Variants in CPOX observed in about 807,000 individuals in gnomAD.
CPOX encodes the protein coproporphyrinogen oxidase, also known as oxygen-dependent coproporphyrinogen-III oxidase, mitochondrial.
In CPOX, 24 loss-of-function variants were observed where a neutral mutation model predicts 48.9. The observed-to-expected ratio is 0.49, with a 90% confidence interval of 0.36 to 0.69. The LOEUF is 0.69. CPOX is among the 30% of genes least tolerant of loss of function. CPOX has a pLI of 0.00. For missense variants in CPOX, 549 were observed against 597.3 expected (o/e 0.92, Z 0.84); for synonymous variants, 249 against 234.6 (o/e 1.06, Z -0.56).
chr3:98,585,166 A>G (rs1027574576), intron 5 of CPOX, among the ~76,000 whole-genome samples: 29 of 152,234 alleles, frequency 1.9e-4, no homozygotes, highest in Admixed American at 1.3e-4. Context: ...GCTGGAGGGT[A>G]TTACAAGAAG....
At chr3:98,581,174 TTC>T (rs1707251111) in intron 6 of CPOX, among the ~76,000 whole-genome samples, 1 of 152,128 alleles carries the variant, frequency 6.6e-6, no homozygotes, top group Non-Finnish European at 1.5e-5. Flanking sequence ...TCAGCCTGTG[TTC>T]TCTCTCCCTC....
the CPOX span, among the ~76,000 whole-genome samples, chr3:98,572,413 A>G: frequency 6.6e-6 from 1 of 152,118 alleles, no homozygotes; most frequent in African/African-American, 2.4e-5. Context: ...TCTTAAAGGT[A>G]TCTGTTTTTT....
At chr3:98,577,841 A>G (rs1286103313), downstream of CPOX, among the ~76,000 whole-genome samples, 1 of 152,244 alleles carries the variant, frequency 6.6e-6, no homozygotes, top group Non-Finnish European at 1.5e-5. Context: ...AAACCTGCAG[A>G]AGATTCCTGT....
Position 98,588,663 on chromosome 3 carries a change from A to G in CPOX, c.953+50T>C, listed in dbSNP as rs1576302838. The G allele has an allele frequency of 1.9e-6, 3 of 1,604,076 alleles. No individual in the cohort carries two copies. In the East Asian group the frequency reaches 6.7e-5, roughly 36 times the overall value. ...TAGTGACATAATAGTTGCCTTCAGAAGGAACAGAATGTAATTTTGGGGTCA... is the reference window on the plus strand; with the variant it reads ...TAGTGACATAATAGTTGCCTTCAGAGGGAACAGAATGTAATTTTGGGGTCA... On this transcript the variant is annotated intron_variant, in intron 4 of 6. Coordinates refer to ENST00000647941, the MANE Select transcript of CPOX (RefSeq NM_000097.7).
At chr3:98,579,036 G>C (rs371167423), downstream of CPOX, among the ~76,000 whole-genome samples, 4 of 152,160 alleles carry the variant, frequency 2.6e-5, no homozygotes, top group East Asian at 5.8e-4. Flanking sequence ...ACCCTTGAGA[G>C]AGCAAGACCT....
At chr3:98,583,922 A>C (rs776603848) in intron 5 of CPOX, among the ~76,000 whole-genome samples, 1 of 152,214 alleles carries the variant, frequency 6.6e-6, no homozygotes, top group East Asian at 1.9e-4. Flanking sequence ...AGGCAGAAAG[A>C]AGCTGTCTTT....
downstream of CPOX, among the ~76,000 whole-genome samples, chr3:98,576,378 A>T (rs1707162960): frequency 6.6e-6 from 1 of 152,184 alleles, no homozygotes; most frequent in African/African-American, 2.4e-5. Flanking sequence ...CCACGAGAAC[A>T]GCACGGGGAT....
At chr3:98,582,532 G>T (rs1228725234) in intron 5 of CPOX, among the ~76,000 whole-genome samples, 5 of 144,430 alleles carry the variant, frequency 3.5e-5, no homozygotes, top group African/African-American at 1.3e-4. Flanking sequence ...TTACTCTGTT[G>T]CCCAGGCTGG....
downstream of CPOX, among the ~76,000 whole-genome samples, chr3:98,575,399 G>A (rs1707147412): frequency 6.6e-6 from 1 of 152,238 alleles, no homozygotes; most frequent in South Asian, 2.1e-4. Flanking sequence ...CTGTTTGAAT[G>A]AGCTTAAGAT....
In CPOX at chr3:98,593,058, C is replaced by T. The variant is rs745949700; in HGVS notation, c.447G>A (p.Lys149=). 4 of 1,613,856 alleles carry T rather than the reference C, an allele frequency of 2.5e-6. No homozygotes were observed. The African/African-American group carries it at 5.3e-5, about 22-fold the overall frequency. The change falls in exon 1 of 7, where the codon AAG becomes AAA. Residue 149 remains lysine (K), a synonymous_variant. Coordinates refer to ENST00000647941, the MANE Select transcript of CPOX (RefSeq NM_000097.7). Reference sequence around the variant, plus strand: ...CCAGAATCAGCAGCTCCATCTTGGTCTTCATGTCGCCCGGCCTCCTTCGCA... The same window carrying T: ...CCAGAATCAGCAGCTCCATCTTGGTTTTCATGTCGCCCGGCCTCCTTCGCA... ...GELRRRPGDM[K]TKMELLILET...
intron 4 of CPOX, among the ~76,000 whole-genome samples, chr3:98,586,710 C>T (rs1390255589): frequency 4.6e-5 from 7 of 151,984 alleles, no homozygotes; most frequent in Non-Finnish European, 1.0e-4. Flanking sequence ...TTTGGGAGGC[C>T]GAGGCAGGCG....
chr3:98,573,644 T>A, the CPOX span, among the ~76,000 whole-genome samples: 2 of 152,292 alleles, frequency 1.3e-5, no homozygotes, highest in East Asian at 3.9e-4. Context: ...CTTTCAAGAA[T>A]TTCATATTCT....
At chr3:98,584,440 CAT>C (rs1255917523) in intron 5 of CPOX, among the ~76,000 whole-genome samples, 1 of 152,176 alleles carries the variant, frequency 6.6e-6, no homozygotes, top group Non-Finnish European at 1.5e-5. Flanking sequence ...AATTTACTCT[CAT>C]GTTTTTCAAG....
intron 5 of CPOX, 143 bp downstream of exon 5, chr3:98,585,298 C>A: frequency 1.3e-6 from 1 of 753,618 alleles, no homozygotes; most frequent in Non-Finnish European, 2.4e-6. Context: ...TACACAATGT[C>A]TTTTAATTCA....
At chr3:98,581,296 C>G (rs1707254165) in intron 6 of CPOX, 111 bp downstream of exon 6, 1 of 828,704 alleles carries the variant, frequency 1.2e-6, no homozygotes, top group Non-Finnish European at 2.1e-6. Context: ...TCAGCAAAGT[C>G]AAAACTAACA....
chr3:98,583,128 A>T (rs535755065), intron 5 of CPOX, among the ~76,000 whole-genome samples: 3 of 152,184 alleles, frequency 2.0e-5, no homozygotes, highest in Non-Finnish European at 4.4e-5. Context: ...ACCCTTGTAA[A>T]GATTCCTTAA....
the CPOX span, among the ~76,000 whole-genome samples, chr3:98,573,815 T>A: frequency 6.6e-6 from 1 of 152,208 alleles, no homozygotes; most frequent in Non-Finnish European, 1.5e-5. Context: ...ATAGATCATG[T>A]TAACATCTTC....
Position 98,580,764 on chromosome 3 carries a change from C to G in CPOX, c.1284G>C (p.Glu428Asp). 2 of 1,613,884 alleles carry G rather than the reference C, an allele frequency of 1.2e-6. No individual in the cohort carries two copies. The highest frequency in any genetic ancestry group is 1.7e-6 in the Non-Finnish European group (2 of 1,179,916). Reference sequence around the variant, plus strand: ...AATTCTCTGAGGGTGAATGCATGTACTCCCATCTATGCATGTCCAAAACAA... The same window carrying G: ...AATTCTCTGAGGGTGAATGCATGTAGTCCCATCTATGCATGTCCAAAACAA... ...LMSLPLTARW[E>D]YMHSPSENSK... The change falls in exon 7 of 7, where the codon GAG becomes GAC. Residue 428 changes from glutamate (E) to aspartate (D), a missense_variant. This residue lies in a region of CPOX where 213 missense variants were observed against 279.1 expected (regional missense o/e 0.76). Transcript: ENST00000647941.
chr3:98,584,403 A>G (rs1318179353), intron 5 of CPOX, among the ~76,000 whole-genome samples: 1 of 152,234 alleles, frequency 6.6e-6, no homozygotes, highest in African/African-American at 2.4e-5. Context: ...GTTCCAAAAT[A>G]CATGCATTCT....
Sources: allele counts gnomAD v4.1 joint callset (sites outside exome capture counted in the v4.1 genomes callset), GRCh38; gene constraint gnomAD v4.1.1; regional missense constraint gnomAD v4.1.1; transcripts MANE v1.5; gene names NCBI Gene and HGNC (gene_info 2026-07-23, HGNC 2026-07-21).